The following ANKRD30B variants were observed in gnomAD, a reference collection of about 807,000 sequenced individuals.
ANKRD30B encodes ankyrin repeat domain-containing protein 30B.
In ANKRD30B, 144 loss-of-function variants were observed where a neutral mutation model predicts 202.2. The ratio of observed to expected loss-of-function variants is 0.71; its 90% CI spans 0.62 to 0.82. The LOEUF is 0.82. Among genes scored for constraint, ANKRD30B ranks in the 40% least tolerant of loss-of-function variants. The probability of loss-of-function intolerance (pLI) is 0.00; values close to 1 mark genes in which losing one functional copy is unlikely to be tolerated. For synonymous variants in ANKRD30B, 508 were observed against 561.3 expected, an observed-to-expected ratio of 0.91 and a Z score of 1.34; for missense variants, 1,487 against 1,669.1, an observed-to-expected ratio of 0.89 and a Z score of 1.90.
intron 6 of ANKRD30B, among the ~76,000 whole-genome samples, chr18:14,762,168 AG>A (rs1915363433): frequency 1.3e-5 from 2 of 152,210 alleles, no homozygotes; most frequent in Non-Finnish European, 2.9e-5. Flanking sequence ...TAGTCTGATA[AG>A]GAGAAGGCAG....
At chr18:14,852,558 C>G in intron 42 of ANKRD30B, 138 bp downstream of exon 42, 5 of 1,135,112 alleles carry the variant, frequency 4.4e-6, no homozygotes, top group African/African-American at 1.6e-5. Flanking sequence ...AAACATGCCT[C>G]ATTTCCACCA....
At chr18:14,856,741 GC>G (rs1972118772), downstream of ANKRD30B, among the ~76,000 whole-genome samples, 1 of 141,162 alleles carries the variant, frequency 7.1e-6, no homozygotes, top group African/African-American at 2.6e-5. Flanking sequence ...CTGGGAAGAG[GC>G]GCTCCCCACT....
At chr18:14,804,972 G>A (rs1278082197) in intron 24 of ANKRD30B, among the ~76,000 whole-genome samples, 3 of 150,468 alleles carry the variant, frequency 2.0e-5, no homozygotes, top group African/African-American at 7.4e-5. Flanking sequence ...TTAGAGTGTG[G>A]GTGCTCCAGA....
intron 34 of ANKRD30B, among the ~76,000 whole-genome samples, chr18:14,835,237 A>T (rs1397214915): frequency 6.6e-6 from 1 of 151,766 alleles, no homozygotes; most frequent in Non-Finnish European, 1.5e-5. Flanking sequence ...CTCTAGAAAT[A>T]CTCTGACATT....
chr18:14,866,790 G>T, the ANKRD30B span, among the ~76,000 whole-genome samples: 104 of 152,030 alleles, frequency 6.8e-4, no homozygotes, highest in Middle Eastern at 3.4e-3. Flanking sequence ...GGTTCACTGC[G>T]CTATCAGGGT....
At chr18:14,806,565 T>C (rs1969534066) in intron 24 of ANKRD30B, among the ~76,000 whole-genome samples, 1 of 150,170 alleles carries the variant, frequency 6.7e-6, no homozygotes, top group African/African-American at 2.5e-5. Flanking sequence ...TTGCTTCCTC[T>C]GCATGGATTT....
Position 14,753,028 on chromosome 18 carries a change from T to C in ANKRD30B, c.510+16T>C, listed in dbSNP as rs750867230. On this transcript the variant is annotated intron_variant, in intron 3 of 43. Transcript: ENST00000690538. ...GCAAAACAAGGTAGACATTAACCAA[T>C]GTTATTTTCAAAATATTTGAAATCC... 2 of 1,539,324 alleles carry C rather than the reference T, an allele frequency of 1.3e-6. No homozygotes were observed. Among genetic ancestry groups the C allele is most frequent in the Non-Finnish European group, 8.8e-7 (1 of 1,141,064 alleles).
intron 18 of ANKRD30B, among the ~76,000 whole-genome samples, chr18:14,797,070 T>C (rs367906267): frequency 6.7e-4 from 102 of 152,152 alleles, no homozygotes; most frequent in Middle Eastern, 3.4e-3. Flanking sequence ...AAACAATCCA[T>C]AGAAACAGGA....
the ANKRD30B span, chr18:14,905,353 A>G: frequency 6.6e-6 from 1 of 152,256 alleles, no homozygotes; most frequent in East Asian, 1.9e-4. Flanking sequence ...TCTTTCCAGT[A>G]ACACATGTAA....
chr18:14,786,927 G>A, intron 14 of ANKRD30B, 112 bp from the exon 15 acceptor site: 2 of 1,071,958 alleles, frequency 1.9e-6, no homozygotes, highest in Middle Eastern at 2.4e-4. Flanking sequence ...AGAATATACA[G>A]GCTACAGAGG....
the ANKRD30B span, among the ~76,000 whole-genome samples, chr18:14,924,150 A>G: frequency 1.3e-5 from 2 of 152,234 alleles, no homozygotes; most frequent in South Asian, 4.1e-4. Context: ...TGAAATAAAG[A>G]GAAAAGAAAC....
chr18:14,774,899 C>T (rs953573111), intron 9 of ANKRD30B, among the ~76,000 whole-genome samples: 3 of 151,348 alleles, frequency 2.0e-5, no homozygotes, highest in East Asian at 2.0e-4. Flanking sequence ...AGTCCAAGGC[C>T]GGCAGATCAC....
chr18:14,790,797 T>C (rs1477298630), intron 15 of ANKRD30B, among the ~76,000 whole-genome samples: 11 of 152,026 alleles, frequency 7.2e-5, no homozygotes, highest in Non-Finnish European at 1.3e-4. Context: ...TTTGCCAGTA[T>C]TTTATTGAGG....
chr18:14,934,000 T>G, the ANKRD30B span, among the ~76,000 whole-genome samples: 2 of 152,214 alleles, frequency 1.3e-5, no homozygotes, highest in Non-Finnish European at 2.9e-5. Flanking sequence ...CTCCCGCCTC[T>G]GGATCGTACC....
At chr18:14,764,229 A>G in intron 7 of ANKRD30B, 139 bp downstream of exon 7, 1 of 874,862 alleles carries the variant, frequency 1.1e-6, no homozygotes, top group Non-Finnish European at 1.7e-6. Flanking sequence ...AATAGTGTAG[A>G]AATAAATAGA....
At position 14,851,947 on chromosome 18, in the gene ANKRD30B, A is replaced by T. The variant is rs1443046767; in HGVS notation, c.4003A>T (p.Asn1335Tyr). 1.2e-6 allele frequency: 2 copies of T among 1,603,856 alleles called. No individual in the cohort carries two copies. Among genetic ancestry groups the T allele is most frequent in the Non-Finnish European group, 1.7e-6 (2 of 1,174,214 alleles). Residue 1335 changes from asparagine to tyrosine, a missense_variant, in exon 42 of 44, where the codon AAT becomes TAT. Coordinates refer to ENST00000690538, the MANE Select transcript of ANKRD30B (RefSeq NM_001367607.2). ...AGATGCTCCTTTGCAAGGAATAATG[A>T]ATGTTGATGTGAGTAATACAATATA... Reference protein sequence around the residue: ...AGDAPLQGIMNVDVSNTIYNN... With the variant: ...AGDAPLQGIMYVDVSNTIYNN...
chr18:14,845,787 G>C lies in ANKRD30B; in HGVS notation c.3181+2691G>C, dbSNP rs564963933. Among the ~76,000 whole-genome samples, 8 of 152,288 alleles carry C rather than the reference G, an allele frequency of 5.3e-5. No homozygotes were observed. In the South Asian group the frequency reaches 1.4e-3, roughly 28 times the overall value. ...AGATCAAGTTATCATCAGATTTGAT[G>C]TCTGAAGAGGTACCACTTCATGATT... On this transcript the variant is annotated intron_variant, in intron 39 of 43. Coordinates refer to ENST00000690538, the MANE Select transcript of ANKRD30B (RefSeq NM_001367607.2).
chr18:14,796,223 T>C lies in ANKRD30B; in HGVS notation c.1828T>C (p.Ser610Pro). The C allele has an allele frequency of 6.3e-7, 1 of 1,597,904 alleles. No homozygotes were observed. Among genetic ancestry groups the C allele is most frequent in the Non-Finnish European group, 8.6e-7 (1 of 1,165,828 alleles). The part of the protein sequence containing the change: ...FDTLSGKLEE[S>P]PVKDGLLKPT... ...TATATATGTCCCTTTACGTTTAGAG[T>C]CTCCTGTTAAAGATGGTCTTCTGAA... is the stretch of plus-strand genomic sequence containing the variant. Residue 610 changes from serine to proline, a missense_variant and splice_region_variant, in exon 17 of 44, where the codon TCT becomes CCT. Coordinates refer to ENST00000690538, the MANE Select transcript of ANKRD30B (RefSeq NM_001367607.2).
the ANKRD30B span, among the ~76,000 whole-genome samples, chr18:14,929,149 G>C: frequency 6.6e-6 from 1 of 152,130 alleles, no homozygotes; most frequent in Non-Finnish European, 1.5e-5. Context: ...TCTCACCCTT[G>C]TGTGTCCGTC....
Sources: allele counts gnomAD v4.1 joint callset (sites outside exome capture counted in the v4.1 genomes callset), GRCh38; gene constraint gnomAD v4.1.1; transcripts MANE v1.5; gene names NCBI Gene and HGNC (gene_info 2026-07-23, HGNC 2026-07-21).